Variants in OSBPL9 observed in about 807,000 individuals in gnomAD.
OSBPL9 encodes oxysterol-binding protein-related protein 9.
A neutral mutation model predicts 106.6 loss-of-function variants in OSBPL9; 40 were observed. The ratio of observed to expected loss-of-function variants is 0.38; its 90% CI spans 0.29 to 0.49. The LOEUF (loss-of-function observed/expected upper bound fraction) is 0.49. Among genes scored for constraint, OSBPL9 ranks in the 20% least tolerant of loss-of-function variants. The pLI, the probability that OSBPL9 is intolerant of heterozygous loss-of-function variation, is 0.97. For missense variants in OSBPL9, 609 were observed against 887.2 expected, an observed-to-expected ratio of 0.69 and a Z score of 3.98; for synonymous variants, 269 against 295.4, an observed-to-expected ratio of 0.91 and a Z score of 0.92.
At chr1:51,518,669 G>A in the OSBPL9 span, among the ~76,000 whole-genome samples, 1 of 152,302 alleles carries the variant, frequency 6.6e-6, no homozygotes, top group South Asian at 2.1e-4. Context: ...TGGGAGAAAG[G>A]CAGGTCTGGA....
chr1:51,772,361 A>G (rs537733591), intron 13 of OSBPL9, among the ~76,000 whole-genome samples, 179 bp downstream of exon 13: 1 of 152,146 alleles, frequency 6.6e-6, no homozygotes, highest in Non-Finnish European at 1.5e-5. Flanking sequence ...AAAAAATACA[A>G]AAAATTAGCT....
intron 4 of OSBPL9, chr1:51,740,108 C>G: frequency 6.5e-7 from 1 of 1,548,630 alleles, no homozygotes; most frequent in Non-Finnish European, 8.7e-7. Context: ...AGCATGGTAA[C>G]TTTCTATTCT....
intron 21 of OSBPL9, 134 bp from the exon 22 acceptor site, chr1:51,786,392 T>C (rs1361852296): frequency 4.1e-5 from 25 of 614,202 alleles, no homozygotes; most frequent in East Asian, 3.4e-4. Context: ...AAAGATGTTA[T>C]GAAATTAACA....
chr1:51,772,128 C>G lies in OSBPL9; in HGVS notation c.997C>G (p.Pro333Ala). 6.2e-7 allele frequency: 1 copy of G among 1,613,988 alleles called. No individual in the cohort carries two copies. The highest frequency in any genetic ancestry group is 8.5e-7 in the Non-Finnish European group (1 of 1,179,924). ...HSSSGNSLKR[P>A]DTTESLNSSL... is the part of the protein sequence containing the mutation. ...CAGCTCGGGAAATAGTCTAAAACGCCCAGATACCACAGAATCACTTAATTC... is the reference window on the plus strand; with the variant it reads ...CAGCTCGGGAAATAGTCTAAAACGCGCAGATACCACAGAATCACTTAATTC... The change falls in exon 13 of 24, where the codon CCA (proline) becomes GCA (alanine). Residue 333 changes from proline to alanine, a missense_variant. Pro to Ala is a conservative substitution (Grantham distance 27). Transcript: ENST00000428468.
At chr1:51,777,825 T>G (rs1199528200) in intron 15 of OSBPL9, among the ~76,000 whole-genome samples, 4 of 152,048 alleles carry the variant, frequency 2.6e-5, no homozygotes, top group Non-Finnish European at 5.9e-5. Flanking sequence ...AAGGGTAGTT[T>G]TTATGTGTGA....
At chr1:51,669,304 A>G in intron 2 of OSBPL9, 130 bp from the exon 3 acceptor site, 2 of 714,534 alleles carry the variant, frequency 2.8e-6, no homozygotes, top group Middle Eastern at 3.7e-4. Context: ...CTAGAGTCTC[A>G]GTTTCCTCTT....
chr1:51,747,553 C>CTTTTTTTTTTTTTTTTTTTTTTTTTTTT (rs746109312), intron 6 of OSBPL9, among the ~76,000 whole-genome samples: 17 of 42,388 alleles, frequency 4.0e-4, no homozygotes, highest in East Asian at 6.0e-4. Flanking sequence ...CTCTCCTTGG[C>CTTTTTTTTTTTTTTTTTTTTTTTTTTTT]TTTTTTTTTT....
upstream of OSBPL9, chr1:51,574,078 G>T (rs1645169165): frequency 6.6e-6 from 1 of 152,082 alleles, no homozygotes. Flanking sequence ...GAGAAAAAAA[G>T]AACGTAAAGA....
rs199976165 is a variant in OSBPL9, at chr1:51,729,926, A to G, written c.319-15610A>G. Reference sequence around the variant, plus strand: ...AGAAGAAAAAGGGGTGCTCGGGAGCAGCCCCCGGCTACCTCCCCTGGAGGC... The same window carrying G: ...AGAAGAAAAAGGGGTGCTCGGGAGCGGCCCCCGGCTACCTCCCCTGGAGGC... On this transcript the variant is annotated intron_variant, in intron 4 of 23. Coordinates refer to ENST00000428468, the MANE Select transcript of OSBPL9 (RefSeq NM_024586.6). The surrounding 1 kb of genome is among the most constrained non-coding windows in gnomAD (Gnocchi z 5.1). The G allele has an allele frequency of 8.4e-6, 11 of 1,302,934 alleles. No individual in the cohort carries two copies. The East Asian group carries it at 3.1e-4, about 37-fold the overall frequency. 80.7% of individuals were successfully genotyped at this position (1,302,934 alleles called of 1,614,324 possible).
the OSBPL9 span, among the ~76,000 whole-genome samples, chr1:51,526,438 C>T: frequency 6.6e-6 from 1 of 152,174 alleles, no homozygotes; most frequent in Non-Finnish European, 1.5e-5. Flanking sequence ...AAATGTTTCT[C>T]TCTGGAGATT....
Position 51,787,432 on chromosome 1 carries a change from A to C in OSBPL9, c.2080A>C (p.Arg694=), listed in dbSNP as rs771981688. The C allele has an allele frequency of 4.3e-6, 7 of 1,613,988 alleles. No individual in the cohort carries two copies. The East Asian group carries it at 1.1e-4, about 26-fold the overall frequency. The part of the protein sequence containing the change: ...ATEAKHRLEE[R]QRAEARERKE... ...TGAAGCAAAGCACAGGCTTGAAGAA[A>C]GACAAAGAGCAGAAGCCCGAGAAAG... The change falls in exon 23 of 24, where the codon AGA becomes CGA. Residue 694 remains arginine, a synonymous_variant. Coordinates refer to ENST00000428468, the MANE Select transcript of OSBPL9 (RefSeq NM_024586.6).
Position 51,618,411 on chromosome 1 carries a change from C to T in OSBPL9, c.111+1190C>T, listed in dbSNP as rs150610705. On this transcript the variant is annotated intron_variant, in intron 1 of 23. Coordinates refer to ENST00000428468, the MANE Select transcript of OSBPL9 (RefSeq NM_024586.6). ...GGGAGATAACTTACTTAGAAAGGTA[C>T]TTTCTCTGAATGGTGTATAGTTGAC... Among the ~76,000 whole-genome samples the T allele has an allele frequency of 3.2e-3, 484 of 152,182 alleles. 1 individual carries two copies. Among genetic ancestry groups the T allele is most frequent in the Admixed American group, 4.8e-3 (74 of 15,282 alleles).
chr1:51,716,578 AC>A (rs1661097521), intron 4 of OSBPL9, among the ~76,000 whole-genome samples: 1 of 152,232 alleles, frequency 6.6e-6, no homozygotes, highest in African/African-American at 2.4e-5. Flanking sequence ...TACTGTTCCT[AC>A]CATTCCCTCT....
At chr1:51,703,562 T>C (rs1216415549) in intron 3 of OSBPL9, among the ~76,000 whole-genome samples, 1 of 152,236 alleles carries the variant, frequency 6.6e-6, no homozygotes, top group African/African-American at 2.4e-5. Flanking sequence ...TGGGGTCTTC[T>C]AGATACACAA....
intron 2 of OSBPL9, among the ~76,000 whole-genome samples, chr1:51,658,467 T>C (rs1220384165): frequency 6.6e-6 from 1 of 152,176 alleles, no homozygotes; most frequent in Non-Finnish European, 1.5e-5. Context: ...AAATGAATTA[T>C]ATTAAACAAA....
chr1:51,550,968 T>A, the OSBPL9 span, among the ~76,000 whole-genome samples: 1 of 152,350 alleles, frequency 6.6e-6, no homozygotes, highest in South Asian at 2.1e-4. Context: ...TACCTATTTG[T>A]ATCAGGCACT....
At chr1:51,682,239 T>G (rs1014458138) in intron 3 of OSBPL9, among the ~76,000 whole-genome samples, 1 of 152,116 alleles carries the variant, frequency 6.6e-6, no homozygotes, top group Non-Finnish European at 1.5e-5. Context: ...TGTTGTATTA[T>G]TATTTTTAAT....
intron 2 of OSBPL9, among the ~76,000 whole-genome samples, chr1:51,604,675 A>G (rs961907213): frequency 6.6e-6 from 1 of 152,026 alleles, no homozygotes; most frequent in Non-Finnish European, 1.5e-5. Flanking sequence ...TGTTTTTGAG[A>G]TGGAGTCTCG....
At chr1:51,549,585 A>T in the OSBPL9 span, among the ~76,000 whole-genome samples, 1 of 152,238 alleles carries the variant, frequency 6.6e-6, no homozygotes, top group Non-Finnish European at 1.5e-5. Flanking sequence ...TAATCCCAGC[A>T]GTTTGGGAGG....
Sources: allele counts gnomAD v4.1 joint callset (sites outside exome capture counted in the v4.1 genomes callset), GRCh38; gene constraint gnomAD v4.1.1; non-coding constraint Gnocchi (gnomAD v3.1); transcripts MANE v1.5; gene names NCBI Gene and HGNC (gene_info 2026-07-23, HGNC 2026-07-21).